Variants in JCAD observed in about 807,000 individuals in gnomAD.
The protein encoded by JCAD is junctional cadherin 5-associated protein.
JCAD carries 40 observed loss-of-function variants against 98.0 expected under a neutral mutation model. The ratio of observed to expected loss-of-function variants is 0.41; its 90% CI spans 0.32 to 0.53. JCAD has a LOEUF of 0.53. JCAD is among the 20% of genes least tolerant of loss of function. JCAD has a pLI of 0.31. For missense variants in JCAD, 1,705 were observed against 1,738.1 expected (o/e 0.98, Z 0.34); for synonymous variants, 691 against 682.3 (o/e 1.01, Z -0.20).
chr10:30,056,046 C>A (rs10826755), intron 1 of JCAD, among the ~76,000 whole-genome samples: 51,252 of 152,006 alleles, frequency 0.34, 8,889 homozygotes, highest in African/African-American at 0.4. Flanking sequence ...TTAAGTACCT[C>A]ATTAACATTT....
rs769630515 is a variant in JCAD at position 30,028,295 on chromosome 10, G to A, written c.1853C>T (p.Ala618Val). The change falls in exon 3 of 4, where the codon GCT becomes GTT. Residue 618 changes from alanine to valine, a missense_variant. Coordinates refer to ENST00000375377, the MANE Select transcript of JCAD (RefSeq NM_020848.4). ...GCTCAGCAGACTCTGTTCTTGCAGAGCCGGGCTCTTATCAGACCCATTCTT... is the reference window on the plus strand; with the variant it reads ...GCTCAGCAGACTCTGTTCTTGCAGAACCGGGCTCTTATCAGACCCATTCTT... ...DQKNGSDKSP[A>V]LQEQSLLSMS... is the part of the protein sequence containing the mutation. 6 of 1,614,222 alleles carry A rather than the reference G, an allele frequency of 3.7e-6. No individual in the cohort carries two copies. The South Asian group carries it at 6.6e-5, about 18-fold the overall frequency.
chr10:30,054,832 G>T (rs1253135073), intron 1 of JCAD, among the ~76,000 whole-genome samples: 1 of 151,810 alleles, frequency 6.6e-6, no homozygotes, highest in Non-Finnish European at 1.5e-5. Context: ...ACCTCGCCCG[G>T]CTAATTTTTT....
At chr10:30,073,060 A>T (rs138822285) in intron 1 of JCAD, among the ~76,000 whole-genome samples, 21 of 152,306 alleles carry the variant, frequency 1.4e-4, no homozygotes, top group Non-Finnish European at 1.6e-4. Context: ...TGTAGATCTC[A>T]TGAACTACAA....
At chr10:30,098,030 G>A (rs1249219728) in intron 1 of JCAD, among the ~76,000 whole-genome samples, 1 of 152,132 alleles carries the variant, frequency 6.6e-6, no homozygotes, top group African/African-American at 2.4e-5. Context: ...AATATGGACG[G>A]TATTGCTGCC....
Position 30,015,804 on chromosome 10 carries a change from A to C in JCAD, c.*2079T>G, listed in dbSNP as rs1461679550. 5.3e-5 allele frequency: 8 copies of C among 152,230 alleles called. No homozygotes were observed. Among genetic ancestry groups the C allele is most frequent in the Non-Finnish European group, 2.9e-5 (2 of 68,044 alleles). The allele number at this position is 152,230 out of a possible 1,614,324, so 9.4% of individuals were successfully genotyped here. On this transcript the variant is annotated 3_prime_UTR_variant, in exon 4 of 4. Transcript: ENST00000375377. ...CATGTACGAGTATACATGTGCACGT[A>C]TATAAATGTATATACACATATACCT...
chr10:30,091,821 C>T (rs1463564293), intron 1 of JCAD, among the ~76,000 whole-genome samples: 2 of 137,660 alleles, frequency 1.5e-5, no homozygotes, highest in African/African-American at 5.4e-5. Flanking sequence ...GTCAGGAGTT[C>T]AAGAGCAGCC....
intron 1 of JCAD, among the ~76,000 whole-genome samples, chr10:30,073,682 C>CT (rs1837934047): frequency 1.5e-5 from 1 of 65,552 alleles, no homozygotes; most frequent in African/African-American, 7.5e-5. Context: ...TCCTTCCTTG[C>CT]TTCCTTCCTT....
At chr10:30,088,069 G>GACA (rs777704020) in intron 1 of JCAD, among the ~76,000 whole-genome samples, 17 of 152,204 alleles carry the variant, frequency 1.1e-4, no homozygotes, top group Non-Finnish European at 1.9e-4. Flanking sequence ...TTGATCTCTT[G>GACA]ACCTCATGAT....
intron 1 of JCAD, among the ~76,000 whole-genome samples, chr10:30,102,048 A>G (rs920204075): frequency 6.6e-6 from 1 of 152,220 alleles, no homozygotes; most frequent in Admixed American, 6.5e-5. Flanking sequence ...AGACCACTCC[A>G]CAACTCATCT....
intron 1 of JCAD, among the ~76,000 whole-genome samples, chr10:30,084,284 C>G (rs1490521445): frequency 6.6e-6 from 1 of 152,046 alleles, no homozygotes; most frequent in Admixed American, 6.6e-5. Context: ...GAAAACTTCA[C>G]TATTATTCAA....
At chr10:30,069,251 G>A (rs1481545557) in intron 2 of JCAD, among the ~76,000 whole-genome samples, 1 of 152,028 alleles carries the variant, frequency 6.6e-6, no homozygotes, top group African/African-American at 2.4e-5. Flanking sequence ...CACCATAGGA[G>A]TGGGGGCCAA....
chr10:30,106,345 T>C (rs1180030221), intron 1 of JCAD, among the ~76,000 whole-genome samples: 1 of 152,036 alleles, frequency 6.6e-6, no homozygotes, highest in Non-Finnish European at 1.5e-5. Flanking sequence ...ACAGGAGGAT[T>C]GCTTGAGCCC....
At chr10:30,049,070 A>G (rs1043062274) in intron 1 of JCAD, among the ~76,000 whole-genome samples, 1 of 152,194 alleles carries the variant, frequency 6.6e-6, no homozygotes, top group African/African-American at 2.4e-5. Context: ...CTACGAGCAA[A>G]AGAGGGAGAG....
At chr10:30,109,188 G>A (rs1174714559) in intron 1 of JCAD, among the ~76,000 whole-genome samples, 1 of 152,130 alleles carries the variant, frequency 6.6e-6, no homozygotes, top group Non-Finnish European at 1.5e-5. Context: ...GGGAGACTAC[G>A]ATTGGCGGAG....
intron 2 of JCAD, among the ~76,000 whole-genome samples, chr10:30,041,751 T>A (rs528903598): frequency 3.3e-5 from 5 of 152,250 alleles, no homozygotes; most frequent in Admixed American, 1.3e-4. Context: ...GGTATAACTT[T>A]CAGCTTCAAA....
rs1474462015 is a variant in JCAD at position 30,051,268 on chromosome 10, GCACGCACACACGCACGCACACA to G, written c.-59-3419_-59-3398del. ...CTTCTCACACACCACACGCACACACGCACGCACACACGCACGCACACACACACACACACACACACAAGAGTTG... is the reference window on the plus strand; with the variant it reads ...CTTCTCACACACCACACGCACACACGCACACACACACACACACAAGAGTTG... On this transcript the variant is annotated intron_variant, in intron 1 of 3. Transcript: ENST00000375377. Among the ~76,000 whole-genome samples, 11 of 132,690 alleles carry G rather than the reference GCACGCACACACGCACGCACACA, an allele frequency of 8.3e-5. No homozygotes were observed. In the South Asian group the frequency reaches 2.7e-3, roughly 33 times the overall value. 87.0% of individuals were successfully genotyped at this position (132,690 alleles called of 152,430 possible).
chr10:30,050,982 A>G (rs978232848), intron 1 of JCAD, among the ~76,000 whole-genome samples: 4 of 152,224 alleles, frequency 2.6e-5, no homozygotes, highest in Non-Finnish European at 5.9e-5. Context: ...TGAGGCTGAC[A>G]GTCCAAGGTT....
chr10:30,023,437 G>T (rs1193832303), intron 3 of JCAD, among the ~76,000 whole-genome samples: 1 of 152,202 alleles, frequency 6.6e-6, no homozygotes, highest in African/African-American at 2.4e-5. Flanking sequence ...CAGGTTTGCA[G>T]CCTGGGACCA....
intron 1 of JCAD, among the ~76,000 whole-genome samples, chr10:30,054,518 TTAATA>T (rs1428002855): frequency 1.3e-5 from 2 of 151,754 alleles, no homozygotes; most frequent in African/African-American, 4.8e-5. Context: ...ATTATATAAT[TTAATA>T]TAACAATATT....
Sources: allele counts gnomAD v4.1 joint callset (sites outside exome capture counted in the v4.1 genomes callset), GRCh38; gene constraint gnomAD v4.1.1; transcripts MANE v1.5; gene names NCBI Gene and HGNC (gene_info 2026-07-23, HGNC 2026-07-21).